The following CSNK1G1 variants were observed in gnomAD, a reference collection of about 807,000 sequenced individuals.
The protein encoded by CSNK1G1 is casein kinase 1 gamma 1.
Under a neutral mutation model 59.6 loss-of-function variants are expected in CSNK1G1, and 22 were observed. The ratio of observed to expected loss-of-function variants is 0.37; its 90% CI spans 0.26 to 0.53. The LOEUF is 0.53. Among genes scored for constraint, CSNK1G1 ranks in the 20% least tolerant of loss-of-function variants. The pLI, the probability that CSNK1G1 is intolerant of heterozygous loss-of-function variation, is 0.89. For synonymous variants in CSNK1G1, 179 were observed against 177.1 expected (o/e 1.01, Z -0.08); for missense variants, 384 against 519.5 (o/e 0.74, Z 2.54).
At chr15:64,283,324 A>G (rs1383982013) in intron 2 of CSNK1G1, among the ~76,000 whole-genome samples, 1 of 151,898 alleles carries the variant, frequency 6.6e-6, no homozygotes, top group Admixed American at 6.6e-5. Context: ...CCCATTATGT[A>G]GACTGACTTT....
At chr15:64,198,712 T>C (rs1016721229) in intron 10 of CSNK1G1, among the ~76,000 whole-genome samples, 33 of 149,272 alleles carry the variant, frequency 2.2e-4, no homozygotes, top group African/African-American at 6.6e-4. Flanking sequence ...AGAGAGAGAT[T>C]TGGCTGCAAA....
chr15:64,325,175 G>C (rs915233714), intron 1 of CSNK1G1, among the ~76,000 whole-genome samples: 2 of 152,178 alleles, frequency 1.3e-5, no homozygotes, highest in Non-Finnish European at 2.9e-5. Context: ...CACAGTAATA[G>C]AAGTATATTT....
chr15:64,270,475 T>C (rs551469666), intron 2 of CSNK1G1, among the ~76,000 whole-genome samples: 28 of 152,166 alleles, frequency 1.8e-4, no homozygotes, highest in African/African-American at 6.3e-4. Context: ...CTATCTGAGC[T>C]GTGGCCGGGC....
chr15:64,203,166 G>A lies in CSNK1G1; in HGVS notation c.1023C>T (p.His341=), dbSNP rs528335045. The stretch of plus-strand genomic sequence containing the variant: ...TTATTGCAGATGCACCAGAATCTAC[G>A]TGAACTGACCCTACTGGAGTAGGCT... ...RPIPTPVGSV[H]VDSGASAITR... is the part of the protein sequence containing the mutation. The change falls in exon 10 of 12, where the codon CAC becomes CAT. Residue 341 remains histidine, a synonymous_variant. Coordinates refer to ENST00000303052, the MANE Select transcript of CSNK1G1 (RefSeq NM_022048.5). 9 of 1,613,816 alleles carry A rather than the reference G, an allele frequency of 5.6e-6. No homozygotes were observed. The highest frequency in any genetic ancestry group is 2.2e-5 in the South Asian group (2 of 91,072).
At chr15:64,226,587 A>C (rs569082737) in intron 4 of CSNK1G1, among the ~76,000 whole-genome samples, 1 of 141,498 alleles carries the variant, frequency 7.1e-6, no homozygotes, top group South Asian at 2.3e-4. Context: ...AACAAACCAA[A>C]AAAAAAAAAG....
chr15:64,247,790 A>G (rs1891835801), intron 4 of CSNK1G1, among the ~76,000 whole-genome samples: 1 of 152,244 alleles, frequency 6.6e-6, no homozygotes, highest in Admixed American at 6.5e-5. Context: ...TCATAGTCCC[A>G]GGACAACAAA....
At chr15:64,325,980 T>C (rs1248473802) in intron 1 of CSNK1G1, among the ~76,000 whole-genome samples, 3 of 152,166 alleles carry the variant, frequency 2.0e-5, no homozygotes, top group Non-Finnish European at 4.4e-5. Context: ...ATAAAAACCT[T>C]TGCATCTCAG....
intron 5 of CSNK1G1, among the ~76,000 whole-genome samples, chr15:64,215,445 C>T (rs1000293940): frequency 2.6e-5 from 4 of 152,048 alleles, no homozygotes; most frequent in Non-Finnish European, 4.4e-5. Context: ...ATCTCCTGAC[C>T]TCATGATCCG....
At chr15:64,172,013 G>T in intron 11 of CSNK1G1, 28 bp from the exon 12 acceptor site, 1 of 1,607,408 alleles carries the variant, frequency 6.2e-7, no homozygotes, top group Non-Finnish European at 8.5e-7. Flanking sequence ...TTGCAAGTCA[G>T]TGCGGGAGGC....
intron 11 of CSNK1G1, 143 bp downstream of exon 11, chr15:64,180,205 T>C (rs1347711615): frequency 6.3e-6 from 4 of 634,530 alleles, no homozygotes; most frequent in Non-Finnish European, 8.4e-6. Flanking sequence ...TAAGGTACCA[T>C]GCAAAAATTA....
chr15:64,204,270 G>A (rs1337235516), intron 9 of CSNK1G1, among the ~76,000 whole-genome samples, 171 bp downstream of exon 9: 1 of 151,656 alleles, frequency 6.6e-6, no homozygotes, highest in Non-Finnish European at 1.5e-5. Context: ...GAACTAGTAA[G>A]AGCAACCTAT....
chr15:64,281,800 G>A (rs1304838133), intron 2 of CSNK1G1, among the ~76,000 whole-genome samples: 47 of 144,852 alleles, frequency 3.2e-4, no homozygotes, highest in African/African-American at 1.1e-3. Flanking sequence ...AGACTGTGCC[G>A]AGAAAAAAAA....
chr15:64,180,111 G>A (rs1017536501), intron 11 of CSNK1G1: 24 of 485,126 alleles, frequency 4.9e-5, no homozygotes, highest in Non-Finnish European at 8.7e-5. Context: ...TGATTCTTTC[G>A]GTTCACTATG....
chr15:64,313,564 C>G (rs990881506), intron 1 of CSNK1G1, among the ~76,000 whole-genome samples: 3 of 151,886 alleles, frequency 2.0e-5, no homozygotes, highest in African/African-American at 7.3e-5. Context: ...AACACATGGA[C>G]ACAGGGAGGG....
At chr15:64,332,591 G>T (rs1897166662) in intron 1 of CSNK1G1, among the ~76,000 whole-genome samples, 1 of 147,384 alleles carries the variant, frequency 6.8e-6, no homozygotes, top group African/African-American at 2.5e-5. Context: ...GAGTTAGTGG[G>T]TGCAGCGCAC....
At chr15:64,255,266 GAGGTTTTACCATATTGGCC>G (rs796502493) in intron 3 of CSNK1G1, among the ~76,000 whole-genome samples, 1,871 of 152,076 alleles carry the variant, frequency 0.012, 27 homozygotes, top group African/African-American at 0.044. Flanking sequence ...TAGTAGAGAC[GAGGTTTTACCATATTGGCC>G]AGGCTGGTCG....
chr15:64,191,353 C>T (rs1367983780), intron 10 of CSNK1G1, among the ~76,000 whole-genome samples: 2 of 152,124 alleles, frequency 1.3e-5, no homozygotes, highest in Non-Finnish European at 2.9e-5. Flanking sequence ...AGCCACGGCA[C>T]CCAGCCTGCA....
chr15:64,273,750 A>G (rs1893455235), intron 2 of CSNK1G1, among the ~76,000 whole-genome samples: 1 of 150,970 alleles, frequency 6.6e-6, no homozygotes, highest in Non-Finnish European at 1.5e-5. Flanking sequence ...AAAAAAAAAA[A>G]TCACATAATG....
At chr15:64,292,392 T>C (rs1049785649) in intron 2 of CSNK1G1, among the ~76,000 whole-genome samples, 1 of 152,194 alleles carries the variant, frequency 6.6e-6, no homozygotes, top group South Asian at 2.1e-4. Context: ...CCAATTTATT[T>C]ACCTTTGTCA....
Sources: gnomAD v4.1 joint callset for allele counts (sites outside exome capture counted in the v4.1 genomes callset) on GRCh38, gnomAD v4.1.1 for gene constraint, MANE v1.5 for transcripts, NCBI Gene and HGNC (gene_info 2026-07-23, HGNC 2026-07-21) for gene names.